GLI3: variants seen among roughly 807,000 people sequenced by gnomAD.
GLI3 encodes the protein transcription activator GLI3.
GLI3 carries 20 observed loss-of-function variants against 100.8 expected under a neutral mutation model. The observed-to-expected ratio is 0.20, with a 90% CI of 0.14 to 0.29. The LOEUF is 0.29. Ranked by LOEUF, GLI3 falls within the 10% of genes least tolerant of loss-of-function variation. GLI3 has a pLI of 1.00. For missense variants in GLI3, 2,040 were observed against 2,128.5 expected, an observed-to-expected ratio of 0.96 and a Z score of 0.82; for synonymous variants, 938 against 860.5, an observed-to-expected ratio of 1.09 and a Z score of -1.58.
chr7:42,208,312 CT>C (rs1224569165), intron 2 of GLI3, among the ~76,000 whole-genome samples: 1 of 152,142 alleles, frequency 6.6e-6, no homozygotes, highest in African/African-American at 2.4e-5. Context: ...CCTGGGGCTC[CT>C]TTAGGCTCCA....
At chr7:42,049,414 G>C (rs1784308853) in intron 4 of GLI3, among the ~76,000 whole-genome samples, 1 of 152,212 alleles carries the variant, frequency 6.6e-6, no homozygotes. Flanking sequence ...CCTGGAATCA[G>C]CTTTCTGCTC....
chr7:42,005,468 C>CACACACAT (rs1379016264), intron 10 of GLI3, among the ~76,000 whole-genome samples: 2 of 150,468 alleles, frequency 1.3e-5, no homozygotes, highest in Non-Finnish European at 3.0e-5. Flanking sequence ...TACACACACA[C>CACACACAT]ACACACACAC....
At chr7:42,000,974 C>T (rs554644425) in intron 10 of GLI3, among the ~76,000 whole-genome samples, 16 of 152,082 alleles carry the variant, frequency 1.1e-4, no homozygotes, top group East Asian at 1.9e-4. Context: ...GGGCCGGGAG[C>T]GGTGGCTCAT....
chr7:42,250,829 G>C (rs1789023180), intron 1 of GLI3, among the ~76,000 whole-genome samples: 1 of 152,182 alleles, frequency 6.6e-6, no homozygotes, highest in African/African-American at 2.4e-5. Flanking sequence ...CGAAAGAATA[G>C]GAACATATCA....
chr7:42,123,677 A>T (rs997424251), intron 3 of GLI3, among the ~76,000 whole-genome samples: 1 of 152,214 alleles, frequency 6.6e-6, no homozygotes, highest in South Asian at 2.1e-4. Context: ...TTAAGTAATT[A>T]CCAAAAGTAA....
chr7:42,022,069 C>T (rs1449415641), intron 10 of GLI3, among the ~76,000 whole-genome samples: 1 of 152,098 alleles, frequency 6.6e-6, no homozygotes, highest in African/African-American at 2.4e-5. Context: ...TGGAAAAATT[C>T]TGGAAATATA....
chr7:41,994,433 A>G (rs1469198141), intron 10 of GLI3, among the ~76,000 whole-genome samples: 3 of 152,236 alleles, frequency 2.0e-5, no homozygotes, highest in African/African-American at 7.2e-5. Context: ...TTGGTCCTAC[A>G]GAATTTTCAT....
At chr7:42,198,892 A>G (rs926177644) in intron 2 of GLI3, among the ~76,000 whole-genome samples, 3 of 151,824 alleles carry the variant, frequency 2.0e-5, no homozygotes, top group African/African-American at 7.3e-5. Context: ...TGTCAAAAAC[A>G]CATAACTTAA....
At chr7:42,182,651 T>TATAC in intron 2 of GLI3, among the ~76,000 whole-genome samples, 1 of 53,664 alleles carries the variant, frequency 1.9e-5, no homozygotes. Context: ...TGTGTATATA[T>TATAC]ATATATATAT....
At chr7:42,222,973 A>G (rs1788514336) in intron 2 of GLI3, 157 bp downstream of exon 2, 2 of 806,392 alleles carry the variant, frequency 2.5e-6, no homozygotes. Context: ...ACTACATTCC[A>G]TGTCCCCCCG....
At chr7:42,053,383 A>G (rs779216608) in intron 4 of GLI3, among the ~76,000 whole-genome samples, 2 of 152,192 alleles carry the variant, frequency 1.3e-5, no homozygotes, top group African/African-American at 4.8e-5. Context: ...GTTCACTGCT[A>G]TGTGAGGGGC....
At chr7:42,110,783 GAC>G (rs1785688070) in intron 3 of GLI3, among the ~76,000 whole-genome samples, 1 of 152,200 alleles carries the variant, frequency 6.6e-6, no homozygotes, top group Non-Finnish European at 1.5e-5. Flanking sequence ...TAATGGAACC[GAC>G]ACATTTTGTT....
chr7:42,080,931 T>C (rs1266954103), intron 3 of GLI3, among the ~76,000 whole-genome samples: 2 of 152,174 alleles, frequency 1.3e-5, no homozygotes, highest in Non-Finnish European at 2.9e-5. Context: ...ACATGAGCAG[T>C]GCAGCTGTGA....
At chr7:42,170,176 C>T (rs1254300655) in intron 2 of GLI3, among the ~76,000 whole-genome samples, 1 of 148,896 alleles carries the variant, frequency 6.7e-6, no homozygotes, top group Non-Finnish European at 1.5e-5. Flanking sequence ...CAGTTGAGCC[C>T]AGGAGGCAGA....
intron 2 of GLI3, among the ~76,000 whole-genome samples, chr7:42,157,327 A>C (rs1787026197): frequency 6.6e-6 from 1 of 152,256 alleles, no homozygotes. Context: ...AGTTAGCCAC[A>C]AAAGTCTGTA....
rs945681159 is a variant in GLI3, at chr7:42,136,559, G to T, written c.367+11667C>A. Among the ~76,000 whole-genome samples, 4 of 152,284 alleles carry T rather than the reference G, an allele frequency of 2.6e-5. No homozygotes were observed. In the East Asian group the frequency reaches 7.7e-4, roughly 29 times the overall value. On this transcript the variant is annotated intron_variant, in intron 3 of 14. Coordinates refer to ENST00000395925, the MANE Select transcript of GLI3 (RefSeq NM_000168.6). Reference sequence around the variant, plus strand: ...ATCCTCCAAAACATGGGGGTACAGAGAGGACCACAGGCTTCCCCATTTTTA... The same window carrying T: ...ATCCTCCAAAACATGGGGGTACAGATAGGACCACAGGCTTCCCCATTTTTA...
chr7:42,129,801 C>A (rs2128776180), intron 3 of GLI3, among the ~76,000 whole-genome samples: 1 of 152,134 alleles, frequency 6.6e-6, no homozygotes, highest in East Asian at 1.9e-4. Context: ...CAGACCGAGA[C>A]TCCATCTAAA....
Position 41,964,305 on chromosome 7 carries a change from G to T in GLI3, c.*25C>A, listed in dbSNP as rs767226834. 6.2e-7 allele frequency: 1 copy of T among 1,606,188 alleles called. No individual in the cohort carries two copies. The highest frequency in any genetic ancestry group is 1.1e-5 in the South Asian group (1 of 90,746). On this transcript the variant is annotated 3_prime_UTR_variant, in exon 15 of 15. Coordinates refer to ENST00000395925, the MANE Select transcript of GLI3 (RefSeq NM_000168.6). ...TCTTCAACTCCTATTGATTTCCGTT[G>T]GTTGCAGTCTTTTTTTCCTAAAGCC...
chr7:42,229,358 G>A (rs945949101), intron 1 of GLI3, among the ~76,000 whole-genome samples: 2 of 152,202 alleles, frequency 1.3e-5, no homozygotes, highest in African/African-American at 4.8e-5. Context: ...TAAGAGATCA[G>A]AAACAGAAGA....
Sources: allele counts gnomAD v4.1 joint callset (sites outside exome capture counted in the v4.1 genomes callset), GRCh38; gene constraint gnomAD v4.1.1; transcripts MANE v1.5; gene names NCBI Gene and HGNC (gene_info 2026-07-23, HGNC 2026-07-21).